The following DSCAM variants were observed in gnomAD, a reference collection of about 807,000 sequenced individuals.
DSCAM encodes cell adhesion molecule DSCAM.
Under a neutral mutation model 217.7 loss-of-function variants are expected in DSCAM, and 47 were observed. The observed-to-expected ratio is 0.22, with a 90% CI of 0.17 to 0.28. DSCAM has a LOEUF of 0.28. Among genes scored for constraint, DSCAM ranks in the 10% least tolerant of loss-of-function variants. The probability of loss-of-function intolerance (pLI) is 1.00; values close to 1 mark genes in which losing one functional copy is unlikely to be tolerated. For synonymous variants in DSCAM, 1,056 were observed against 1,015.3 expected, an observed-to-expected ratio of 1.04 and a Z score of -0.76; for missense variants, 2,080 against 2,618.3, an observed-to-expected ratio of 0.79 and a Z score of 4.49.
rs552473889 is a variant in DSCAM, at chr21:40,483,404, C to T, written c.509-114159G>A. 2.4e-4 allele frequency among the ~76,000 whole-genome samples: 37 copies of T among 152,166 alleles called. No individual in the cohort carries two copies. The South Asian group carries it at 5.4e-3, about 22-fold the overall frequency. On this transcript the variant is annotated intron_variant, in intron 3 of 32. Transcript: ENST00000400454. ...TATTTTTAAGTGAAATCAACTTAAACGGGCAATATATTTATTTAAGTTGGC... is the reference window on the plus strand; with the variant it reads ...TATTTTTAAGTGAAATCAACTTAAATGGGCAATATATTTATTTAAGTTGGC...
chr21:40,139,750 T>C (rs1200741537), intron 18 of DSCAM, among the ~76,000 whole-genome samples: 3 of 151,670 alleles, frequency 2.0e-5, no homozygotes, highest in South Asian at 4.2e-4. Context: ...GAGGGGTGTG[T>C]GTCATGTGGC....
intron 3 of DSCAM, among the ~76,000 whole-genome samples, chr21:40,534,849 G>A (rs1296876695): frequency 2.0e-5 from 3 of 152,036 alleles, no homozygotes; most frequent in Non-Finnish European, 4.4e-5. Flanking sequence ...AGTACAGAAT[G>A]ACATCAAATC....
chr21:40,737,206 C>T (rs2091072700), intron 1 of DSCAM, among the ~76,000 whole-genome samples: 1 of 152,116 alleles, frequency 6.6e-6, no homozygotes, highest in African/African-American at 2.4e-5. Flanking sequence ...AAATAAAAGG[C>T]AGGCTTTAAT....
chr21:40,211,007 T>A (rs969538066), intron 11 of DSCAM, among the ~76,000 whole-genome samples: 1 of 152,252 alleles, frequency 6.6e-6, no homozygotes, highest in Non-Finnish European at 1.5e-5. Flanking sequence ...TATTCCTATC[T>A]GTCTGTGTTT....
chr21:40,484,761 T>C (rs1484582181), intron 3 of DSCAM, among the ~76,000 whole-genome samples: 2 of 152,194 alleles, frequency 1.3e-5, no homozygotes, highest in Non-Finnish European at 2.9e-5. Flanking sequence ...ATAAGTCTGC[T>C]GTGGTTACCT....
chr21:40,171,151 C>T (rs1049956604), intron 15 of DSCAM, among the ~76,000 whole-genome samples: 2 of 152,212 alleles, frequency 1.3e-5, no homozygotes, highest in Non-Finnish European at 2.9e-5. Flanking sequence ...TATCTCGACT[C>T]ACTGCAACCT....
chr21:40,374,600 AAGG>A (rs2123710538), intron 3 of DSCAM, among the ~76,000 whole-genome samples: 1 of 152,366 alleles, frequency 6.6e-6, no homozygotes, highest in South Asian at 2.1e-4. Context: ...GGCTTGGGGA[AAGG>A]AGGATCACAG....
chr21:40,382,057 A>G (rs546076576), intron 3 of DSCAM, among the ~76,000 whole-genome samples: 1 of 152,328 alleles, frequency 6.6e-6, no homozygotes, highest in Admixed American at 6.5e-5. Flanking sequence ...AGCCTTTTTC[A>G]ACATCTTAGT....
rs373714528 is a variant in DSCAM, at chr21:40,547,762, C to A, written c.508+145048G>T. Among the ~76,000 whole-genome samples, 7 of 152,272 alleles carry A rather than the reference C, an allele frequency of 4.6e-5. No individual in the cohort carries two copies. The East Asian group carries it at 1.4e-3, about 29-fold the overall frequency. On this transcript the variant is annotated intron_variant, in intron 3 of 32. Coordinates refer to ENST00000400454, the MANE Select transcript of DSCAM (RefSeq NM_001389.5). ...TGGACACTGGGTTTCTGGAGCAATG[C>A]TTCCACTGTCCTTCAAATGTGCCTC...
chr21:40,214,179 ATGC>A (rs373927795), intron 11 of DSCAM, among the ~76,000 whole-genome samples: 155 of 152,338 alleles, frequency 1.0e-3, no homozygotes, highest in African/African-American at 3.7e-3. Flanking sequence ...TAGGCTATAA[ATGC>A]TGCTTTCTCT....
intron 3 of DSCAM, among the ~76,000 whole-genome samples, chr21:40,619,463 C>T (rs574599773): frequency 3.7e-4 from 57 of 152,160 alleles, no homozygotes; most frequent in African/African-American, 1.1e-3. Flanking sequence ...CCTATTGTTA[C>T]GCAGTTCATA....
intron 18 of DSCAM, among the ~76,000 whole-genome samples, chr21:40,135,515 C>A (rs1352463119): frequency 6.6e-6 from 1 of 152,234 alleles, no homozygotes; most frequent in Non-Finnish European, 1.5e-5. Flanking sequence ...CTCAGCTGCT[C>A]TCCTCAGTCG....
In DSCAM at chr21:40,727,660, C is replaced by T. The variant is rs551190638; in HGVS notation, c.44-18889G>A. Among the ~76,000 whole-genome samples the T allele has an allele frequency of 1.6e-4, 24 of 152,230 alleles. No homozygotes were observed. In the South Asian group the frequency reaches 5.0e-3, roughly 32 times the overall value. On this transcript the variant is annotated intron_variant, in intron 1 of 32. Coordinates refer to ENST00000400454, the MANE Select transcript of DSCAM (RefSeq NM_001389.5). ...ATCCACCATCACCTCTCCCTGGTGC[C>T]CAATGGGTCTCTCTGCTTCTACCCT...
chr21:40,660,290 G>T (rs889604884), intron 3 of DSCAM, among the ~76,000 whole-genome samples: 2 of 152,156 alleles, frequency 1.3e-5, no homozygotes, highest in African/African-American at 4.8e-5. Flanking sequence ...AGAAAGGAAG[G>T]AAGGAAAGCA....
intron 1 of DSCAM, among the ~76,000 whole-genome samples, chr21:40,814,752 C>A (rs1411129547): frequency 1.3e-5 from 2 of 152,158 alleles, no homozygotes; most frequent in African/African-American, 4.8e-5. Context: ...AATAAAAACA[C>A]TGGGACCAAC....
At chr21:40,135,498 C>T (rs555684657) in intron 18 of DSCAM, among the ~76,000 whole-genome samples, 36 of 152,282 alleles carry the variant, frequency 2.4e-4, no homozygotes, top group African/African-American at 7.9e-4. Flanking sequence ...GGGCACAGGC[C>T]GCGGATCTCA....
In DSCAM at chr21:40,454,366, T is replaced by C. The variant is rs77975090; in HGVS notation, c.509-85121A>G. Among the ~76,000 whole-genome samples the C allele has an allele frequency of 8.5e-5, 13 of 152,296 alleles. No homozygotes were observed. In the East Asian group the frequency reaches 1.2e-3, roughly 14 times the overall value. On this transcript the variant is annotated intron_variant, in intron 3 of 32. Transcript: ENST00000400454. ...AGATTACAATGCCCAAATTGAAGGA[T>C]TGTCAAAAGGATGAAATGAAACCAT...
intron 3 of DSCAM, among the ~76,000 whole-genome samples, chr21:40,634,273 C>T (rs1199713843): frequency 6.6e-6 from 1 of 152,120 alleles, no homozygotes; most frequent in Non-Finnish European, 1.5e-5. Flanking sequence ...GCTTTTGTTC[C>T]TCTTGTTCTG....
chr21:40,315,495 A>G (rs1236446601), intron 8 of DSCAM, among the ~76,000 whole-genome samples: 1 of 152,210 alleles, frequency 6.6e-6, no homozygotes, highest in African/African-American at 2.4e-5. Context: ...TATAGAATAC[A>G]GGAAATATAT....
Sources: gnomAD v4.1 joint callset for allele counts (sites outside exome capture counted in the v4.1 genomes callset) on GRCh38, gnomAD v4.1.1 for gene constraint, MANE v1.5 for transcripts, NCBI Gene and HGNC (gene_info 2026-07-23, HGNC 2026-07-21) for gene names.